Variants in SLC4A4 observed in about 807,000 individuals in gnomAD.
SLC4A4 encodes the protein solute carrier family 4 member 4, also known as electrogenic sodium bicarbonate cotransporter 1.
A neutral mutation model predicts 111.5 loss-of-function variants in SLC4A4; 27 were observed. The observed-to-expected ratio is 0.24, with a 90% CI of 0.18 to 0.33. The LOEUF is 0.33. Among genes scored for constraint, SLC4A4 ranks in the 10% least tolerant of loss-of-function variants. The probability of loss-of-function intolerance (pLI) is 1.00; values close to 1 mark genes in which losing one functional copy is unlikely to be tolerated. For synonymous variants in SLC4A4, 443 were observed against 463.4 expected, an observed-to-expected ratio of 0.96 and a Z score of 0.57; for missense variants, 909 against 1,315.5, an observed-to-expected ratio of 0.69 and a Z score of 4.78.
chr4:71,262,979 C>T (rs1383490456), intron 3 of SLC4A4, among the ~76,000 whole-genome samples: 1 of 151,634 alleles, frequency 6.6e-6, no homozygotes, highest in Non-Finnish European at 1.5e-5. Flanking sequence ...CATCATTTAA[C>T]ATTAGCTATA....
At chr4:71,311,048 T>C (rs912611791) in intron 3 of SLC4A4, among the ~76,000 whole-genome samples, 1 of 152,120 alleles carries the variant, frequency 6.6e-6, no homozygotes, top group Non-Finnish European at 1.5e-5. Context: ...GCAATCGTAG[T>C]CTCTGATAAA....
intron 1 of SLC4A4, among the ~76,000 whole-genome samples, chr4:71,230,988 C>G (rs142107833): frequency 1.3e-5 from 2 of 152,312 alleles, no homozygotes; most frequent in Non-Finnish European, 2.9e-5. Flanking sequence ...TTGGCAAAAG[C>G]TTGGGCTAGG....
intron 6 of SLC4A4, among the ~76,000 whole-genome samples, chr4:71,365,739 A>G (rs1472136456): frequency 6.6e-6 from 1 of 152,190 alleles, no homozygotes; most frequent in Non-Finnish European, 1.5e-5. Context: ...TGTTGAACAA[A>G]GAAAATGTCA....
intron 7 of SLC4A4, among the ~76,000 whole-genome samples, chr4:71,438,140 C>T (rs1724336629): frequency 6.6e-6 from 1 of 152,130 alleles, no homozygotes; most frequent in East Asian, 1.9e-4. Flanking sequence ...ACCATTAAGA[C>T]GGTTCCGAAA....
chr4:71,518,934 G>T (rs1040061475), intron 16 of SLC4A4, among the ~76,000 whole-genome samples: 3 of 152,198 alleles, frequency 2.0e-5, no homozygotes, highest in African/African-American at 7.2e-5. Context: ...CAGACCTGGT[G>T]TTGGTGTCCA....
At chr4:71,110,955 C>T (rs765345280) in intron 2 of SLC4A4, among the ~76,000 whole-genome samples, 5 of 152,150 alleles carry the variant, frequency 3.3e-5, no homozygotes, top group Non-Finnish European at 7.4e-5. Flanking sequence ...GGTCCTTTTA[C>T]TCTCAGATGC....
At chr4:71,396,225 C>T (rs911386246) in intron 6 of SLC4A4, among the ~76,000 whole-genome samples, 1 of 152,016 alleles carries the variant, frequency 6.6e-6, no homozygotes, top group Non-Finnish European at 1.5e-5. Context: ...AATAAAACAC[C>T]CAACCAGGTA....
intron 2 of SLC4A4, among the ~76,000 whole-genome samples, chr4:71,105,531 G>T (rs1205200588): frequency 2.6e-5 from 4 of 150,960 alleles, no homozygotes; most frequent in Non-Finnish European, 5.9e-5. Context: ...ATACTACAAG[G>T]CTACAGTAAC....
chr4:71,442,363 G>A (rs1577913976), intron 8 of SLC4A4, among the ~76,000 whole-genome samples: 1 of 152,196 alleles, frequency 6.6e-6, no homozygotes, highest in African/African-American at 2.4e-5. Context: ...TCAAGGCAAC[G>A]TAATTCAATA....
At chr4:71,363,500 T>A (rs558286760) in intron 6 of SLC4A4, among the ~76,000 whole-genome samples, 3 of 152,146 alleles carry the variant, frequency 2.0e-5, no homozygotes, top group East Asian at 1.9e-4. Flanking sequence ...TTCCAGGCCA[T>A]CCCCCCAACT....
intron 23 of SLC4A4, 148 bp downstream of exon 23, chr4:71,560,402 G>T: frequency 1.3e-6 from 1 of 795,338 alleles, no homozygotes; most frequent in Non-Finnish European, 1.9e-6. Context: ...ACCTCCCTTT[G>T]CCCTTTATAT....
At chr4:71,297,543 C>T (rs2602053) in intron 3 of SLC4A4, among the ~76,000 whole-genome samples, 1 of 150,392 alleles carries the variant, frequency 6.6e-6, no homozygotes, top group Admixed American at 6.6e-5. Context: ...CACACACACA[C>T]ACACACACTC....
chr4:71,216,280 A>G (rs1318820595), intron 1 of SLC4A4, among the ~76,000 whole-genome samples: 2 of 151,978 alleles, frequency 1.3e-5, no homozygotes, highest in Admixed American at 6.6e-5. Flanking sequence ...CTGAAATAAC[A>G]TTTTTTTCTT....
intron 7 of SLC4A4, among the ~76,000 whole-genome samples, chr4:71,419,096 G>C (rs967430393): frequency 1.3e-5 from 2 of 152,296 alleles, no homozygotes; most frequent in South Asian, 4.1e-4. Flanking sequence ...GTGTCAGTCT[G>C]CCCCTACTGG....
chr4:71,376,066 CATAT>C (rs1159793136), intron 6 of SLC4A4, among the ~76,000 whole-genome samples: 242 of 145,202 alleles, frequency 1.7e-3, no homozygotes, highest in African/African-American at 6.0e-3. Flanking sequence ...TATATATATA[CATAT>C]ACACGTATAT....
rs146405766 is a variant in SLC4A4 at position 71,376,156 on chromosome 4, TACAC to T, written c.730+19003_730+19006del. Among the ~76,000 whole-genome samples the T allele has an allele frequency of 8.8e-3, 1,196 of 135,536 alleles. 24 individuals carry two copies. The highest frequency in any genetic ancestry group is 0.031 in the African/African-American group (1,113 of 36,234). The allele number at this position is 135,536 out of a possible 152,430, so 88.9% of individuals were successfully genotyped here. A position where few individuals can be genotyped will look rare whatever the true frequency, so the allele number is the denominator to read the frequency against. On this transcript the variant is annotated intron_variant, in intron 6 of 25. Coordinates refer to ENST00000264485, the MANE Select transcript of SLC4A4 (RefSeq NM_001098484.3). Reference sequence around the variant, plus strand: ...ACATACACATATATACCTGTATATATACACACACACACACACACACACACACACA... The same window carrying T: ...ACATACACATATATACCTGTATATATACACACACACACACACACACACACA...
chr4:71,495,082 G>A (rs1578039234), intron 15 of SLC4A4, among the ~76,000 whole-genome samples: 1 of 152,004 alleles, frequency 6.6e-6, no homozygotes, highest in Admixed American at 6.6e-5. Flanking sequence ...GTGGTATTTG[G>A]AGACTCAAGT....
intron 6 of SLC4A4, among the ~76,000 whole-genome samples, chr4:71,360,173 G>A (rs1374349605): frequency 1.3e-5 from 2 of 152,122 alleles, no homozygotes; most frequent in East Asian, 1.9e-4. Flanking sequence ...GTGCTCTTAA[G>A]GTTATTTGTA....
intron 4 of SLC4A4, among the ~76,000 whole-genome samples, chr4:71,343,570 A>G (rs957557655): frequency 1.3e-5 from 2 of 152,128 alleles, no homozygotes; most frequent in African/African-American, 2.4e-5. Context: ...GTCTTCCTTG[A>G]TTCCTGTCTT....
Sources: gnomAD v4.1 joint callset for allele counts (sites outside exome capture counted in the v4.1 genomes callset) on GRCh38, gnomAD v4.1.1 for gene constraint, MANE v1.5 for transcripts, NCBI Gene and HGNC (gene_info 2026-07-23, HGNC 2026-07-21) for gene names.